FXN: variants seen among roughly 807,000 people sequenced by gnomAD.
FXN encodes the protein frataxin, also known as frataxin, mitochondrial.
In FXN, 14 loss-of-function variants were observed where a neutral mutation model predicts 22.4. The ratio of observed to expected loss-of-function variants is 0.62; its 90% confidence interval spans 0.41 to 0.98. FXN has a LOEUF of 0.98. FXN is among the 50% of genes least tolerant of loss of function. The pLI is 0.00. For missense variants in FXN, 267 were observed against 268.4 expected (o/e 0.99, Z 0.04); for synonymous variants, 120 against 114.1 (o/e 1.05, Z -0.33).
At chr9:69,060,790 A>G (rs970313510) in intron 3 of FXN, among the ~76,000 whole-genome samples, 2 of 152,212 alleles carry the variant, frequency 1.3e-5, no homozygotes, top group Admixed American at 1.3e-4. Context: ...CTGCTCATTC[A>G]CTATTTGACC....
rs1471503669 is a variant in FXN, at chr9:69,074,586, A to G, written c.*1824A>G. Reference sequence around the variant, plus strand: ...TTAATATGTAGCAAAGGCTTTTCCAATGGGTGAATAAAAACACATTCCATT... The same window carrying G: ...TTAATATGTAGCAAAGGCTTTTCCAGTGGGTGAATAAAAACACATTCCATT... On this transcript the variant is annotated 3_prime_UTR_variant, in exon 5 of 5. Transcript: ENST00000484259. 1.0e-6 allele frequency: 1 copy of G among 985,144 alleles called. No homozygotes were observed. The highest frequency in any genetic ancestry group is 1.2e-6 in the Non-Finnish European group (1 of 829,858). The allele number at this position is 985,144 out of a possible 1,614,324, so 61.0% of individuals were successfully genotyped here. A position where few individuals can be genotyped will look rare whatever the true frequency, so the allele number is the denominator to read the frequency against.
intron 3 of FXN, 101 bp downstream of exon 3, chr9:69,053,361 T>C (rs1831889628): frequency 2.1e-6 from 3 of 1,401,108 alleles, no homozygotes; most frequent in Non-Finnish European, 2.0e-6. Flanking sequence ...TCAAGTAGCA[T>C]GTAGTTGTAG....
intron 4 of FXN, among the ~76,000 whole-genome samples, chr9:69,070,728 T>A (rs920677879): frequency 9.2e-5 from 14 of 151,734 alleles, no homozygotes; most frequent in African/African-American, 2.4e-4. Flanking sequence ...AAAAAAATTT[T>A]GTTTTTTTTT....
intron 4 of FXN, among the ~76,000 whole-genome samples, chr9:69,070,656 A>T (rs1832256938): frequency 6.6e-6 from 1 of 152,152 alleles, no homozygotes; most frequent in African/African-American, 2.4e-5. Context: ...CTCTTATTGA[A>T]GTTTGATTGA....
intron 2 of FXN, 73 bp from the exon 3 acceptor site, chr9:69,053,067 A>T: frequency 6.9e-7 from 1 of 1,442,768 alleles, no homozygotes; most frequent in Non-Finnish European, 9.4e-7. Context: ...TTAAATAACA[A>T]ATGTATAAAT....
intron 3 of FXN, among the ~76,000 whole-genome samples, chr9:69,061,051 G>T (rs187981647): frequency 6.6e-6 from 1 of 152,330 alleles, no homozygotes; most frequent in Non-Finnish European, 1.5e-5. Flanking sequence ...TGACTGCAGA[G>T]AAGGTGCCAG....
intron 2 of FXN, among the ~76,000 whole-genome samples, chr9:69,051,095 A>G (rs1031853415): frequency 6.6e-6 from 1 of 151,846 alleles, no homozygotes; most frequent in African/African-American, 2.4e-5. Context: ...ACTCTTTTTT[A>G]TTTTATTTTA....
chr9:69,046,530 C>T (rs758146250), intron 2 of FXN, 48 bp downstream of exon 2: 1 of 1,298,296 alleles, frequency 7.7e-7, no homozygotes, highest in South Asian at 1.2e-5. Flanking sequence ...TCTCTCCTTC[C>T]CTGCCTCTCC....
At chr9:69,071,489 A>G (rs2133136633) in intron 4 of FXN, among the ~76,000 whole-genome samples, 1 of 152,264 alleles carries the variant, frequency 6.6e-6, no homozygotes, top group South Asian at 2.1e-4. Flanking sequence ...TGCCACATGC[A>G]CTAGTGTTAT....
chr9:69,073,198 A>G lies in FXN; in HGVS notation c.*436A>G. On this transcript the variant is annotated 3_prime_UTR_variant, in exon 5 of 5. Coordinates refer to ENST00000484259, the MANE Select transcript of FXN (RefSeq NM_000144.5). ...GCTCACTGTTCTATCTCCAAATGAG[A>G]CACATTAAAGGGTAGCCTACAAATG... is the stretch of plus-strand genomic sequence containing the variant. The G allele has an allele frequency of 9.4e-7, 1 of 1,064,718 alleles. No individual in the cohort carries two copies. The highest frequency in any genetic ancestry group is 1.1e-6 in the Non-Finnish European group (1 of 878,962). The allele number at this position is 1,064,718 out of a possible 1,614,324, so 66.0% of individuals were successfully genotyped here. A position where few individuals can be genotyped will look rare whatever the true frequency, so the allele number is the denominator to read the frequency against.
At position 69,076,777 on chromosome 9, in the gene FXN, A is replaced by G; in HGVS notation, c.*4015A>G. 2.0e-6 allele frequency: 2 copies of G among 985,468 alleles called. No individual in the cohort carries two copies. The highest frequency in any genetic ancestry group is 2.4e-6 in the Non-Finnish European group (2 of 829,938). The allele number at this position is 985,468 out of a possible 1,614,324, so 61.0% of individuals were successfully genotyped here. A position where few individuals can be genotyped will look rare whatever the true frequency, so the allele number is the denominator to read the frequency against. On this transcript the variant is annotated 3_prime_UTR_variant, in exon 5 of 5. Transcript: ENST00000484259. ...GTGTCCAGTTGGATTCTTGGCACAT[A>G]GTTATCTTCTGCTAGAACAAACTAA...
intron 4 of FXN, chr9:69,071,106 T>C: frequency 2.1e-6 from 1 of 486,658 alleles, no homozygotes; most frequent in Non-Finnish European, 4.1e-6. Context: ...TGGGCATCAG[T>C]GCCTGTGCTC....
intron 2 of FXN, among the ~76,000 whole-genome samples, chr9:69,052,709 A>AT (rs1000723664): frequency 1.1e-4 from 16 of 151,384 alleles, no homozygotes; most frequent in African/African-American, 3.6e-4. Context: ...CGCCCGGCTA[A>AT]TTTTTTGTAT....
rs922586219 is a variant in FXN, at chr9:69,075,089, T to G, written c.*2327T>G. 1.0e-6 allele frequency: 1 copy of G among 985,268 alleles called. No homozygotes were observed. Among genetic ancestry groups the G allele is most frequent in the African/African-American group, 1.7e-5 (1 of 57,216 alleles). The allele number at this position is 985,268 out of a possible 1,614,324, so 61.0% of individuals were successfully genotyped here. On this transcript the variant is annotated 3_prime_UTR_variant, in exon 5 of 5. Transcript: ENST00000484259. ...TTGTGGGCCAGCCCTTCAGGCCTAT[T>G]TTACTTTCATTTTACATATAGCTCT...
intron 1 of FXN, among the ~76,000 whole-genome samples, chr9:69,045,879 T>G (rs938814254): frequency 2.6e-5 from 4 of 152,318 alleles, no homozygotes; most frequent in Admixed American, 1.3e-4. Context: ...GTGCATACTC[T>G]ACAGGACAGT....
At chr9:69,052,899 G>A (rs1831879496) in intron 2 of FXN, among the ~76,000 whole-genome samples, 1 of 149,876 alleles carries the variant, frequency 6.7e-6, no homozygotes, top group South Asian at 2.1e-4. Context: ...CTAACATTTC[G>A]AGAAGCTGAG....
chr9:69,068,189 C>A lies in FXN; in HGVS notation c.482+3154C>A, dbSNP rs577662010. Among the ~76,000 whole-genome samples the A allele has an allele frequency of 9.2e-5, 14 of 152,314 alleles. No homozygotes were observed. In the South Asian group the frequency reaches 2.9e-3, roughly 32 times the overall value. Reference sequence around the variant, plus strand: ...ATCGCATGTGGACACGGGGCTATGACCTGGCCCTGCTTTGACCCACTAGCT... The same window carrying A: ...ATCGCATGTGGACACGGGGCTATGAACTGGCCCTGCTTTGACCCACTAGCT... On this transcript the variant is annotated intron_variant, in intron 4 of 4. Coordinates refer to ENST00000484259, the MANE Select transcript of FXN (RefSeq NM_000144.5).
At position 69,053,271 on chromosome 9, in the gene FXN, A is replaced by G. The variant is rs1644241598; in HGVS notation, c.384+11A>G. 1 of 1,613,010 alleles carries G rather than the reference A, an allele frequency of 6.2e-7. No individual in the cohort carries two copies. Among genetic ancestry groups the G allele is most frequent in the South Asian group, 1.1e-5 (1 of 91,062 alleles). On this transcript the variant is annotated intron_variant, in intron 3 of 4. Coordinates refer to ENST00000484259, the MANE Select transcript of FXN (RefSeq NM_000144.5). ...GATGTCTCCTTTGGGGTACCTCTTG[A>G]CTTCTTTTATTTTTCTGTTTCCCCC... is the stretch of plus-strand genomic sequence containing the variant.
At position 69,058,031 on chromosome 9, in the gene FXN, T is replaced by C. The variant is rs11144965; in HGVS notation, c.384+4771T>C. On this transcript the variant is annotated intron_variant, in intron 3 of 4. Transcript: ENST00000484259. Reference sequence around the variant, plus strand: ...GAGACTTTTCCAAAACATGCTTTCGTTGATGCCTCTCAGCATTTATACACC... The same window carrying C: ...GAGACTTTTCCAAAACATGCTTTCGCTGATGCCTCTCAGCATTTATACACC... Among the ~76,000 whole-genome samples the C allele has an allele frequency of 8.4e-3, 1,284 of 152,356 alleles. 7 individuals are homozygous for C. Among genetic ancestry groups the C allele is most frequent in the Non-Finnish European group, 0.014 (982 of 68,038 alleles).
Sources: allele counts gnomAD v4.1 joint callset (sites outside exome capture counted in the v4.1 genomes callset), GRCh38; gene constraint gnomAD v4.1.1; transcripts MANE v1.5; gene names NCBI Gene and HGNC (gene_info 2026-07-23, HGNC 2026-07-21).